The following PATJ variants were observed in gnomAD, a reference collection of about 807,000 sequenced individuals.
PATJ encodes the protein inaD-like protein.
PATJ carries 190 observed loss-of-function variants against 224.9 expected under a neutral mutation model. The ratio of observed to expected loss-of-function variants is 0.84; its 90% CI spans 0.75 to 0.95. The LOEUF is 0.95. Among genes scored for constraint, PATJ ranks in the 40% least tolerant of loss-of-function variants. PATJ has a pLI of 0.00. For synonymous variants in PATJ, 769 were observed against 820.3 expected, an observed-to-expected ratio of 0.94 and a Z score of 1.07; for missense variants, 2,121 against 2,270.3, an observed-to-expected ratio of 0.93 and a Z score of 1.34.
At chr1:62,012,249 C>T (rs1160303810) in intron 28 of PATJ, among the ~76,000 whole-genome samples, 1 of 152,080 alleles carries the variant, frequency 6.6e-6, no homozygotes, top group African/African-American at 2.4e-5. Context: ...GATGATATGA[C>T]CTCTGGGTAT....
At chr1:62,104,555 T>A (rs1016357332) in intron 33 of PATJ, among the ~76,000 whole-genome samples, 5 of 152,126 alleles carry the variant, frequency 3.3e-5, no homozygotes, top group South Asian at 2.1e-4. Context: ...TTTTTTCCCC[T>A]AAATACACTA....
chr1:61,957,493 A>G (rs1680604453), intron 27 of PATJ, among the ~76,000 whole-genome samples: 3 of 151,926 alleles, frequency 2.0e-5, no homozygotes, highest in South Asian at 4.2e-4. Flanking sequence ...TGAGCAGTTC[A>G]TTTTTACTTT....
chr1:61,994,614 G>A (rs762350659), intron 28 of PATJ, among the ~76,000 whole-genome samples: 82 of 151,808 alleles, frequency 5.4e-4, no homozygotes, highest in Non-Finnish European at 9.9e-4. Flanking sequence ...GAGTGCAATG[G>A]CGCCACCTTG....
chr1:61,774,693 C>G (rs548133534), intron 6 of PATJ, among the ~76,000 whole-genome samples: 1 of 152,252 alleles, frequency 6.6e-6, no homozygotes, highest in East Asian at 1.9e-4. Flanking sequence ...CTAGCTTTGC[C>G]CTTATATTTT....
At chr1:61,998,025 A>ATATTAATT (rs1353162517) in intron 28 of PATJ, among the ~76,000 whole-genome samples, 4 of 122,102 alleles carry the variant, frequency 3.3e-5, no homozygotes, top group African/African-American at 9.4e-5. Flanking sequence ...AATTATATAT[A>ATATTAATT]ATATATTATA....
intron 12 of PATJ, 144 bp from the exon 13 acceptor site, chr1:61,805,304 C>T (rs1236147240): frequency 1.7e-6 from 1 of 587,592 alleles, no homozygotes; most frequent in Admixed American, 3.2e-5. Context: ...CCTAGCAGAC[C>T]TAAGTTAATG....
At position 61,762,055 on chromosome 1, in the gene PATJ, T is replaced by A. The variant is rs1018829185; in HGVS notation, c.-35-803T>A. 2.0e-5 allele frequency among the ~76,000 whole-genome samples: 3 copies of A among 152,166 alleles called. No homozygotes were observed. The East Asian group carries it at 5.8e-4, about 29-fold the overall frequency. Reference sequence around the variant, plus strand: ...AGAGAGGACACCTCTCACATGAGGATCCTATGATCTGCTTCAGGGGAAGTC... The same window carrying A: ...AGAGAGGACACCTCTCACATGAGGAACCTATGATCTGCTTCAGGGGAAGTC... On this transcript the variant is annotated intron_variant, in intron 1 of 43. Transcript: ENST00000642238.
chr1:61,944,146 A>G (rs1678282600), intron 27 of PATJ, among the ~76,000 whole-genome samples: 3 of 152,246 alleles, frequency 2.0e-5, no homozygotes, highest in Admixed American at 2.0e-4. Flanking sequence ...TGAAAATTCT[A>G]AAAATCAGAC....
chr1:61,829,394 T>G (rs1008039697), intron 16 of PATJ, among the ~76,000 whole-genome samples: 2 of 152,214 alleles, frequency 1.3e-5, no homozygotes, highest in Admixed American at 1.3e-4. Flanking sequence ...ATATGGGTGG[T>G]GGCTTCCCTC....
intron 27 of PATJ, among the ~76,000 whole-genome samples, chr1:61,970,255 A>G (rs1317922376): frequency 2.4e-4 from 36 of 151,846 alleles, no homozygotes; most frequent in African/African-American, 2.4e-5. Context: ...ATTAGGTTCA[A>G]TGAAAAAATA....
chr1:62,114,324 C>A, intron 35 of PATJ, 78 bp downstream of exon 35: 1 of 1,264,284 alleles, frequency 7.9e-7, no homozygotes, highest in Non-Finnish European at 1.1e-6. Flanking sequence ...AAAGAGAAAG[C>A]CTAATGTAAA....
At chr1:61,945,128 A>G (rs1199928986) in intron 27 of PATJ, among the ~76,000 whole-genome samples, 3 of 152,224 alleles carry the variant, frequency 2.0e-5, no homozygotes, top group Non-Finnish European at 4.4e-5. Flanking sequence ...AAACAAGCCA[A>G]ATTGTAAAGA....
intron 7 of PATJ, among the ~76,000 whole-genome samples, chr1:61,779,801 C>A (rs1347804210): frequency 6.6e-6 from 1 of 152,142 alleles, no homozygotes; most frequent in Non-Finnish European, 1.5e-5. Context: ...TACAGCTCTG[C>A]TGGCTGGAAA....
At position 62,161,671 on chromosome 1, in the gene PATJ, T is replaced by G. The variant is rs1669852267; in HGVS notation, c.*617T>G. The G allele has an allele frequency of 6.6e-6, 1 of 152,146 alleles. No individual in the cohort carries two copies. Among genetic ancestry groups the G allele is most frequent in the African/African-American group, 2.4e-5 (1 of 41,420 alleles). The allele number at this position is 152,146 out of a possible 1,614,324, so 9.4% of individuals were successfully genotyped here. A position where few individuals can be genotyped will look rare whatever the true frequency, so the allele number is the denominator to read the frequency against. ...CTGATTTTAACCAACTGGTTCTGAT[T>G]ATATTTACCAAAACTGGAGTTAACT... On this transcript the variant is annotated 3_prime_UTR_variant, in exon 44 of 44. Transcript: ENST00000642238.
chr1:62,003,604 AG>A (rs1466717123), intron 28 of PATJ, among the ~76,000 whole-genome samples: 3 of 152,200 alleles, frequency 2.0e-5, no homozygotes, highest in Non-Finnish European at 4.4e-5. Flanking sequence ...CCTTTGCCCA[AG>A]GTATTAAGAA....
intron 28 of PATJ, among the ~76,000 whole-genome samples, chr1:62,005,023 A>G (rs975000521): frequency 2.0e-5 from 3 of 152,162 alleles, no homozygotes; most frequent in Non-Finnish European, 4.4e-5. Flanking sequence ...ACAGTTTTCC[A>G]TTTATTGATA....
intron 37 of PATJ, among the ~76,000 whole-genome samples, chr1:62,118,373 T>C (rs1458815453): frequency 1.3e-5 from 2 of 152,202 alleles, no homozygotes; most frequent in Non-Finnish European, 2.9e-5. Context: ...TTGAATGATT[T>C]CATTAAAGCC....
At chr1:61,761,759 C>T (rs1645985161) in intron 1 of PATJ, among the ~76,000 whole-genome samples, 1 of 151,742 alleles carries the variant, frequency 6.6e-6, no homozygotes, top group African/African-American at 2.4e-5. Context: ...GATCATAGCT[C>T]ACTGCAGCCT....
chr1:61,814,519 AGT>A (rs67159092), intron 14 of PATJ, among the ~76,000 whole-genome samples: 19,123 of 143,838 alleles, frequency 0.13, 1,701 homozygotes, highest in Non-Finnish European at 0.2. Flanking sequence ...CCTTTTGTTT[AGT>A]GTGTGTGTGT....
Sources: allele counts gnomAD v4.1 joint callset (sites outside exome capture counted in the v4.1 genomes callset), GRCh38; gene constraint gnomAD v4.1.1; transcripts MANE v1.5; gene names NCBI Gene and HGNC (gene_info 2026-07-23, HGNC 2026-07-21).